Variants in FGGY observed in about 807,000 individuals in gnomAD.
FGGY encodes FGGY carbohydrate kinase domain-containing protein.
Under a neutral mutation model 71.3 loss-of-function variants are expected in FGGY, and 72 were observed. The observed-to-expected ratio is 1.01, with a 90% CI of 0.84 to 1.23. The LOEUF (loss-of-function observed/expected upper bound fraction) is 1.23, where lower values mean the gene tolerates loss of function less well. FGGY is among the 50% of genes most tolerant of loss of function. The probability of loss-of-function intolerance (pLI) is 0.00; values close to 1 mark genes in which losing one functional copy is unlikely to be tolerated. For synonymous variants in FGGY, 251 were observed against 250.3 expected (o/e 1.00, Z -0.02); for missense variants, 668 against 682.3 (o/e 0.98, Z 0.23).
chr1:59,751,169 T>A (rs929710592), intron 14 of FGGY, among the ~76,000 whole-genome samples: 1 of 152,150 alleles, frequency 6.6e-6, no homozygotes, highest in African/African-American at 2.4e-5. Flanking sequence ...CTTGGGAAAA[T>A]TACTTATATT....
At chr1:59,558,870 T>A (rs1391539373) in intron 8 of FGGY, among the ~76,000 whole-genome samples, 1 of 152,148 alleles carries the variant, frequency 6.6e-6, no homozygotes, top group East Asian at 1.9e-4. Context: ...AGGGTATTAA[T>A]TATTAATATT....
intron 3 of FGGY, among the ~76,000 whole-genome samples, chr1:59,345,906 T>C (rs1349949761): frequency 6.6e-6 from 1 of 152,210 alleles, no homozygotes; most frequent in East Asian, 1.9e-4. Flanking sequence ...TTCCTGAATG[T>C]ATGCCCAGAA....
intron 14 of FGGY, among the ~76,000 whole-genome samples, chr1:59,730,880 G>C (rs544789427): frequency 6.6e-6 from 1 of 152,174 alleles, no homozygotes; most frequent in Non-Finnish European, 1.5e-5. Context: ...AGTCCATGTC[G>C]GACAACATGC....
rs72917731 is a variant in FGGY, at chr1:59,550,758, A to C, written c.800-3366A>C. Among the ~76,000 whole-genome samples the C allele has an allele frequency of 7.0e-3, 1,064 of 152,248 alleles. 11 individuals carry two copies. Among genetic ancestry groups the C allele is most frequent in the African/African-American group, 0.024 (996 of 41,532 alleles). ...AGTTTCATGGTGAACTAGCACTTCC[A>C]AGTATGTTTTCATTATGTAAGACAA... On this transcript the variant is annotated intron_variant, in intron 7 of 15. Transcript: ENST00000303721.
chr1:59,659,933 G>A (rs963666076), intron 11 of FGGY, among the ~76,000 whole-genome samples: 5 of 152,132 alleles, frequency 3.3e-5, no homozygotes, highest in Non-Finnish European at 5.9e-5. Context: ...AAAATAAAAA[G>A]TATTTAATTA....
At chr1:59,617,088 A>G (rs1458628983) in intron 9 of FGGY, among the ~76,000 whole-genome samples, 1 of 152,140 alleles carries the variant, frequency 6.6e-6, no homozygotes, top group Non-Finnish European at 1.5e-5. Context: ...CATCTTTTTT[A>G]TTCCCGCTTG....
intron 8 of FGGY, among the ~76,000 whole-genome samples, chr1:59,604,977 G>A (rs973726588): frequency 6.6e-6 from 1 of 152,158 alleles, no homozygotes; most frequent in Admixed American, 6.5e-5. Context: ...AAGGCAGAGT[G>A]GTGAAAATAA....
chr1:59,742,190 C>T (rs1035953911), intron 14 of FGGY, among the ~76,000 whole-genome samples: 5 of 152,174 alleles, frequency 3.3e-5, no homozygotes, highest in Non-Finnish European at 5.9e-5. Flanking sequence ...AGGTATCTAT[C>T]CTCACTACCA....
chr1:59,587,839 G>T (rs1571716342), intron 8 of FGGY, among the ~76,000 whole-genome samples: 1 of 152,086 alleles, frequency 6.6e-6, no homozygotes. Flanking sequence ...AAACCACAAA[G>T]ATGGGGAAAA....
intron 1 of FGGY, chr1:59,318,535 T>A (rs1434424227): frequency 6.6e-6 from 1 of 152,218 alleles, no homozygotes; most frequent in African/African-American, 2.4e-5. Context: ...TGGAAAGGAA[T>A]CAGAATGTGG....
chr1:59,468,326 C>A (rs1182741649), intron 6 of FGGY, among the ~76,000 whole-genome samples: 1 of 152,160 alleles, frequency 6.6e-6, no homozygotes, highest in Non-Finnish European at 1.5e-5. Flanking sequence ...TTCATGAACA[C>A]CTTCTACATA....
At chr1:59,625,876 C>A in intron 9 of FGGY, 112 bp from the exon 10 acceptor site, 1 of 722,134 alleles carries the variant, frequency 1.4e-6, no homozygotes, top group Non-Finnish European at 2.1e-6. Context: ...GTTCTTGGAA[C>A]CCGTATGGAC....
intron 4 of FGGY, among the ~76,000 whole-genome samples, chr1:59,374,029 C>A (rs1277435861): frequency 6.6e-6 from 1 of 152,152 alleles, no homozygotes; most frequent in African/African-American, 2.4e-5. Flanking sequence ...AAAGCAATGG[C>A]AACAAAAGCC....
intron 6 of FGGY, among the ~76,000 whole-genome samples, chr1:59,508,983 A>G (rs1161001071): frequency 6.6e-6 from 1 of 152,186 alleles, no homozygotes; most frequent in Non-Finnish European, 1.5e-5. Flanking sequence ...TGAACTCAGC[A>G]GAGTCTCTGG....
At chr1:59,728,594 A>G (rs1401959825) in intron 14 of FGGY, among the ~76,000 whole-genome samples, 1 of 150,460 alleles carries the variant, frequency 6.6e-6, no homozygotes, top group African/African-American at 2.4e-5. Context: ...CTTTCAATAA[A>G]TTTTTATTTG....
chr1:59,575,695 A>G (rs1025142134), intron 8 of FGGY, among the ~76,000 whole-genome samples: 2 of 152,184 alleles, frequency 1.3e-5, no homozygotes, highest in Non-Finnish European at 2.9e-5. Flanking sequence ...TGCCTGTACT[A>G]GTTTACATTC....
intron 11 of FGGY, 96 bp downstream of exon 11, chr1:59,638,471 T>C (rs2096985056): frequency 2.1e-6 from 3 of 1,460,822 alleles, no homozygotes; most frequent in Non-Finnish European, 9.4e-7. Context: ...AAGAAAAAAA[T>C]AAAACAGGCC....
chr1:59,344,440 T>A (rs1450902140), intron 3 of FGGY, among the ~76,000 whole-genome samples: 1 of 152,088 alleles, frequency 6.6e-6, no homozygotes, highest in Non-Finnish European at 1.5e-5. Flanking sequence ...CCTTTTATTT[T>A]AAAAAAAGAT....
intron 14 of FGGY, among the ~76,000 whole-genome samples, chr1:59,687,917 A>G (rs1465232608): frequency 1.3e-5 from 2 of 152,188 alleles, no homozygotes; most frequent in Non-Finnish European, 2.9e-5. Flanking sequence ...GGTAGTCCTT[A>G]TAGAGAATTC....
Sources: gnomAD v4.1 joint callset for allele counts (sites outside exome capture counted in the v4.1 genomes callset) on GRCh38, gnomAD v4.1.1 for gene constraint, MANE v1.5 for transcripts, NCBI Gene and HGNC (gene_info 2026-07-23, HGNC 2026-07-21) for gene names.